The following ME2 variants were observed in gnomAD, a reference collection of about 807,000 sequenced individuals.
ME2 encodes the protein NAD-dependent malic enzyme, mitochondrial.
A neutral mutation model predicts 73.7 loss-of-function variants in ME2; 60 were observed. That is an observed-to-expected ratio of 0.81 (90% CI 0.66 to 1.01). ME2 has a LOEUF of 1.01. Ranked by LOEUF, ME2 falls within the 50% of genes least tolerant of loss-of-function variation. ME2 has a pLI of 0.00. For missense variants in ME2, 594 were observed against 705.5 expected, an observed-to-expected ratio of 0.84 and a Z score of 1.79; for synonymous variants, 199 against 236.9, an observed-to-expected ratio of 0.84 and a Z score of 1.47.
intron 3 of ME2, among the ~76,000 whole-genome samples, chr18:50,909,136 G>C (rs898791413): frequency 6.6e-6 from 1 of 151,338 alleles, no homozygotes; most frequent in Non-Finnish European, 1.5e-5. Context: ...GTAGTTTTTA[G>C]TAGAGACAGG....
intron 1 of ME2, among the ~76,000 whole-genome samples, chr18:50,893,115 ACT>A (rs1475839553): frequency 5.3e-5 from 6 of 113,166 alleles, no homozygotes; most frequent in Non-Finnish European, 1.0e-4. Flanking sequence ...ACTGGGTAAG[ACT>A]CTATCTCAAA....
intron 12 of ME2, among the ~76,000 whole-genome samples, chr18:50,927,415 A>G (rs902302700): frequency 2.6e-5 from 4 of 151,932 alleles, no homozygotes; most frequent in Non-Finnish European, 4.4e-5. Context: ...AAATATAACC[A>G]CAGGGCCGGG....
rs4939647 is a variant in ME2 at position 50,927,710 on chromosome 18, C to A, written c.1314+1812C>A. Among the ~76,000 whole-genome samples the A allele has an allele frequency of 8.5e-3, 626 of 73,798 alleles. 14 individuals carry two copies. The East Asian group carries it at 0.12, about 14-fold the overall frequency. The allele number at this position is 73,798 out of a possible 152,430, so 48.4% of individuals were successfully genotyped here. On this transcript the variant is annotated intron_variant, in intron 12 of 15. Transcript: ENST00000321341. ...GAGCAAGACTCCATCTCAAAAAAAACCCCAAAAAACCATATATATATATAT... is the reference window on the plus strand; with the variant it reads ...GAGCAAGACTCCATCTCAAAAAAAAACCCAAAAAACCATATATATATATAT...
chr18:50,939,733 C>T, intron 14 of ME2, 93 bp downstream of exon 14: 1 of 791,240 alleles, frequency 1.3e-6, no homozygotes, highest in Non-Finnish European at 2.1e-6. Context: ...TGGGTTAAAT[C>T]TGCCTTATTA....
chr18:50,916,067 T>C (rs1454477306), intron 4 of ME2, 101 bp from the exon 5 acceptor site: 4 of 801,844 alleles, frequency 5.0e-6, no homozygotes, highest in Non-Finnish European at 6.1e-6. Context: ...AATTATACCA[T>C]GTCTTGATAT....
At chr18:50,923,143 C>T (rs1917469307) in intron 10 of ME2, among the ~76,000 whole-genome samples, 1 of 152,122 alleles carries the variant, frequency 6.6e-6, no homozygotes, top group South Asian at 2.1e-4. Context: ...CTTCATTCAG[C>T]CATCTTTAAC....
intron 15 of ME2, among the ~76,000 whole-genome samples, chr18:50,943,767 A>T (rs1918018237): frequency 6.6e-6 from 1 of 152,226 alleles, no homozygotes; most frequent in Non-Finnish European, 1.5e-5. Flanking sequence ...AGCCAGCTGT[A>T]CAAATATACA....
rs1918192224 is a variant in ME2, at chr18:50,950,258, CTG to C, written c.*3077_*3078del. 1 of 152,138 alleles carries C rather than the reference CTG, an allele frequency of 6.6e-6. No homozygotes were observed. Among genetic ancestry groups the C allele is most frequent in the Non-Finnish European group, 1.5e-5 (1 of 68,046 alleles). The allele number at this position is 152,138 out of a possible 1,614,324, so 9.4% of individuals were successfully genotyped here. ...ATAACCAAGAAGTTGCCTCAGATCA[CTG>C]TGAAGCTTTAAAATGCAGGTGCCTT... On this transcript the variant is annotated 3_prime_UTR_variant, in exon 16 of 16. Transcript: ENST00000321341.
Position 50,940,379 on chromosome 18 carries a change from C to T in ME2, c.1580C>T (p.Ala527Val), listed in dbSNP as rs763541212. The change falls in exon 15 of 16, where the codon GCT (alanine) becomes GTT (valine). Residue 527 changes from alanine (A) to valine (V), a missense_variant. Coordinates refer to ENST00000321341, the MANE Select transcript of ME2 (RefSeq NM_002396.5). ...ANIQEVSINI[A>V]IKVTEYLYAN... Reference sequence around the variant, plus strand: ...ATTCAGGAAGTTTCTATTAACATTGCTATTAAAGTAAGTAATAACTTAAAC... The same window carrying T: ...ATTCAGGAAGTTTCTATTAACATTGTTATTAAAGTAAGTAATAACTTAAAC... 11 of 1,575,782 alleles carry T rather than the reference C, an allele frequency of 7.0e-6. No homozygotes were observed. The highest frequency in any genetic ancestry group is 8.7e-6 in the Non-Finnish European group (10 of 1,153,186).
chr18:50,905,712 A>G (rs1421632446), intron 2 of ME2, among the ~76,000 whole-genome samples: 1 of 152,210 alleles, frequency 6.6e-6, no homozygotes, highest in Non-Finnish European at 1.5e-5. Flanking sequence ...TTGAGTTATT[A>G]TCAATAGAAA....
At chr18:50,889,819 A>G (rs2144186797) in intron 1 of ME2, among the ~76,000 whole-genome samples, 2 of 152,324 alleles carry the variant, frequency 1.3e-5, no homozygotes, top group South Asian at 4.1e-4. Flanking sequence ...AATGCTTCCC[A>G]TATAATTTAA....
At chr18:50,936,742 A>G (rs1158226829) in intron 13 of ME2, among the ~76,000 whole-genome samples, 1 of 152,110 alleles carries the variant, frequency 6.6e-6, no homozygotes, top group East Asian at 1.9e-4. Context: ...CCCTGGCAAC[A>G]TAGGGAGACT....
chr18:50,888,423 AT>A (rs1916530012), intron 1 of ME2, among the ~76,000 whole-genome samples: 1 of 152,158 alleles, frequency 6.6e-6, no homozygotes, highest in Admixed American at 6.5e-5. Flanking sequence ...ATGGGAGGGA[AT>A]ACATTTATGA....
rs1917192093 is a variant in ME2, at chr18:50,912,945, A to G, written c.387A>G (p.Arg129=). ...ACSQYGHIFR[R]PKGLFISISD... The stretch of plus-strand genomic sequence containing the variant: ...CCCAGTATGGACACATCTTTAGAAG[A>G]CCTAAGTAAGGCTTGTTTAAAAAAA... Residue 129 remains arginine, a synonymous_variant, in exon 4 of 16, where the codon AGA becomes AGG. Coordinates refer to ENST00000321341, the MANE Select transcript of ME2 (RefSeq NM_002396.5). The G allele has an allele frequency of 6.3e-7, 1 of 1,592,292 alleles. No homozygotes were observed. Among genetic ancestry groups the G allele is most frequent in the Non-Finnish European group, 8.5e-7 (1 of 1,173,824 alleles).
chr18:50,885,878 C>A (rs913040832), intron 1 of ME2, among the ~76,000 whole-genome samples: 1 of 152,026 alleles, frequency 6.6e-6, no homozygotes, highest in Non-Finnish European at 1.5e-5. Flanking sequence ...GTATAAAAGT[C>A]AAATTTGAGT....
intron 15 of ME2, among the ~76,000 whole-genome samples, chr18:50,941,103 CAA>C (rs1285908717): frequency 6.6e-6 from 1 of 150,942 alleles, no homozygotes; most frequent in Admixed American, 6.6e-5. Flanking sequence ...ACTAAAAATA[CAA>C]AAAAAGTTAG....
At chr18:50,881,332 C>G (rs77970259) in intron 1 of ME2, among the ~76,000 whole-genome samples, 1 of 152,074 alleles carries the variant, frequency 6.6e-6, no homozygotes, top group Non-Finnish European at 1.5e-5. Context: ...CCACCATGCC[C>G]GGTGAACTAG....
intron 2 of ME2, among the ~76,000 whole-genome samples, chr18:50,899,911 A>G (rs1200850952): frequency 6.6e-6 from 1 of 152,232 alleles, no homozygotes. Context: ...GGATGAATGC[A>G]TAAACAGATG....
chr18:50,885,373 C>T (rs189777637), intron 1 of ME2, among the ~76,000 whole-genome samples: 12 of 152,132 alleles, frequency 7.9e-5, no homozygotes, highest in African/African-American at 2.7e-4. Context: ...TTAAAATTAG[C>T]CGGGCACAGT....
Sources: gnomAD v4.1 joint callset for allele counts (sites outside exome capture counted in the v4.1 genomes callset) on GRCh38, gnomAD v4.1.1 for gene constraint, MANE v1.5 for transcripts, NCBI Gene and HGNC (gene_info 2026-07-23, HGNC 2026-07-21) for gene names.